Variants in FAAP100 observed in about 807,000 individuals in gnomAD.
FAAP100 encodes the protein FA core complex associated protein 100, also known as Fanconi anemia core complex-associated protein 100.
FAAP100 carries 46 observed loss-of-function variants against 65.8 expected under a neutral mutation model. The observed-to-expected ratio is 0.70, with a 90% CI of 0.55 to 0.89. The LOEUF is 0.89. FAAP100 is among the 40% of genes least tolerant of loss of function. FAAP100 has a pLI of 0.00. For missense variants in FAAP100, 1,165 were observed against 1,196.7 expected, an observed-to-expected ratio of 0.97 and a Z score of 0.39; for synonymous variants, 663 against 555.1, an observed-to-expected ratio of 1.19 and a Z score of -2.73.
rs1453283609 is a variant in FAAP100 at position 81,550,569 on chromosome 17, AGT to A, written c.923_924del (p.His308LeufsTer2). 2.6e-5 allele frequency: 42 copies of A among 1,612,800 alleles called. No homozygotes were observed. Among genetic ancestry groups the A allele is most frequent in the Non-Finnish European group, 3.5e-5 (41 of 1,180,022 alleles). On this transcript the variant is annotated frameshift_variant, in exon 3 of 9. Coordinates refer to ENST00000327787, the MANE Select transcript of FAAP100 (RefSeq NM_025161.6). LOFTEE classifies it high-confidence loss of function. ...AENFLPDEDV[H>X]CDCLVAFGHH... ...TGACCAAAGGCCACCAGGCAGTCAC[AGT>A]GCACATCCTCGTCAGGCAGAAAATT...
rs189067432 is a variant in FAAP100, at chr17:81,541,128, C to T, written c.2515-178G>A. ...ACGCAGCCTGGCCCGGACACCCAGC[C>T]CCTCAAGTAGGATGAGGGGCAGGAA... is the stretch of plus-strand genomic sequence containing the variant. On this transcript the variant is annotated intron_variant, in intron 8 of 8. Coordinates refer to ENST00000327787, the MANE Select transcript of FAAP100 (RefSeq NM_025161.6). Among the ~76,000 whole-genome samples, 187 of 152,280 alleles carry T rather than the reference C, an allele frequency of 1.2e-3. 1 individual carries two copies. Among genetic ancestry groups the T allele is most frequent in the African/African-American group, 4.4e-3 (181 of 41,556 alleles).
At chr17:81,546,060 G>T (rs2033288335) in intron 5 of FAAP100, among the ~76,000 whole-genome samples, 178 bp from the exon 6 acceptor site, 1 of 152,242 alleles carries the variant, frequency 6.6e-6, no homozygotes, top group African/African-American at 2.4e-5. Flanking sequence ...CCAGAGGAAG[G>T]AGGCCACTGC....
At chr17:81,549,734 C>A (rs1417945596) in intron 3 of FAAP100, among the ~76,000 whole-genome samples, 1 of 152,218 alleles carries the variant, frequency 6.6e-6, no homozygotes, top group Non-Finnish European at 1.5e-5. Context: ...ATTCCTCTCA[C>A]CCCAACACTG....
rs775092613 is a variant in FAAP100, at chr17:81,547,203, A to C, written c.1879T>G (p.Cys627Gly). The C allele has an allele frequency of 1.9e-6, 3 of 1,563,676 alleles. No individual in the cohort carries two copies. The highest frequency in any genetic ancestry group is 2.6e-6 in the Non-Finnish European group (3 of 1,152,416). The change falls in exon 5 of 9, where the codon TGC becomes GGC. Residue 627 changes from cysteine (C) to glycine (G), a missense_variant. Coordinates refer to ENST00000327787, the MANE Select transcript of FAAP100 (RefSeq NM_025161.6). The stretch of plus-strand genomic sequence containing the variant: ...TGCTCGGGCAGGACGTCGGAGGGGC[A>C]CTCATCCAGAAAGGGGTCCTCAGAG... ...SDSEDPFLDE[C>G]PSDVLPEQEG...
At chr17:81,544,244 C>T (rs1291787276) in intron 6 of FAAP100, 124 bp from the exon 7 acceptor site, 18 of 739,110 alleles carry the variant, frequency 2.4e-5, no homozygotes, top group African/African-American at 3.5e-5. Flanking sequence ...CAACCCCCTG[C>T]CCTGGGCTGT....
In FAAP100 at chr17:81,550,467, G is replaced by A; in HGVS notation, c.1027C>T (p.Leu343Phe). The change falls in exon 3 of 9, where the codon CTC (leucine) becomes TTC (phenylalanine). Residue 343 changes from leucine to phenylalanine, a missense_variant. Coordinates refer to ENST00000327787, the MANE Select transcript of FAAP100 (RefSeq NM_025161.6). ...KLVPELREYCLPGPVLCAACG... is the reference protein window; with the variant it reads ...KLVPELREYCFPGPVLCAACG... ...GCAGCGCAGAGCACAGGGCCTGGGA[G>A]GCAGTACTCCCGCAGCTCGGGCACC... 1 of 1,612,562 alleles carries A rather than the reference G, an allele frequency of 6.2e-7. No individual in the cohort carries two copies. The highest frequency in any genetic ancestry group is 8.5e-7 in the Non-Finnish European group (1 of 1,179,822).
chr17:81,552,005 C>A lies in FAAP100; in HGVS notation c.213G>T (p.Ala71=). The A allele has an allele frequency of 6.4e-7, 1 of 1,564,442 alleles. No homozygotes were observed. The highest frequency in any genetic ancestry group is 1.4e-5 in the African/African-American group (1 of 71,848). The change falls in exon 2 of 9, where the codon GCG becomes GCT. Residue 71 remains alanine, a synonymous_variant. Coordinates refer to ENST00000327787, the MANE Select transcript of FAAP100 (RefSeq NM_025161.6). The stretch of plus-strand genomic sequence containing the variant: ...ACAGCGCGTACAGCAACCTGCGCGG[C>A]GCCAGCAGCTCCAGGTGCCACACCT... The part of the protein sequence containing the change: ...PDQVWHLELL[A]PRRLLYALCA...
chr17:81,548,255 G>T (rs1371186506), intron 4 of FAAP100: 18 of 523,570 alleles, frequency 3.4e-5, no homozygotes, highest in Non-Finnish European at 5.8e-5. Context: ...AGCCAGTGCT[G>T]CGGGAGGAAA....
At position 81,540,273 on chromosome 17, in the gene FAAP100, C is replaced by T. The variant is rs922136738; in HGVS notation, c.*546G>A. ...TTTGTGCTTTGGTCTCAGGGAGCAC[C>T]CTCCTACCTCGGGGTCCCAGAGTGG... is the stretch of plus-strand genomic sequence containing the variant. On this transcript the variant is annotated 3_prime_UTR_variant, in exon 9 of 9. Transcript: ENST00000327787. The T allele has an allele frequency of 5.0e-6, 2 of 398,874 alleles. No individual in the cohort carries two copies. The highest frequency in any genetic ancestry group is 2.1e-5 in the African/African-American group (1 of 48,632). The allele number at this position is 398,874 out of a possible 1,614,324, so 24.7% of individuals were successfully genotyped here.
intron 2 of FAAP100, 57 bp downstream of exon 2, chr17:81,551,871 G>A (rs2033507086): frequency 6.8e-7 from 1 of 1,480,776 alleles, no homozygotes; most frequent in African/African-American, 1.5e-5. Flanking sequence ...TGCTCGCTCT[G>A]AAGCAGTCCG....
chr17:81,541,362 T>C lies in FAAP100; in HGVS notation c.2461A>G (p.Ser821Gly), dbSNP rs571805447. 185 of 1,611,572 alleles carry C rather than the reference T, an allele frequency of 1.1e-4. No homozygotes were observed. The highest frequency in any genetic ancestry group is 1.3e-4 in the Non-Finnish European group (157 of 1,179,738). Residue 821 changes from serine (S) to glycine (G), a missense_variant, in exon 8 of 9, where the codon AGC becomes GGC. Transcript: ENST00000327787. Reference sequence around the variant, plus strand: ...TACTGCACACGGAGATCAGGAGCGCTGGAGCCCTGGGTGGCCTGCTCTGTC... The same window carrying C: ...TACTGCACACGGAGATCAGGAGCGCCGGAGCCCTGGGTGGCCTGCTCTGTC... ...MVTEQATQGS[S>G]APDLRVQYLR...
At chr17:81,546,326 C>G (rs1039696174) in intron 5 of FAAP100, 3 of 171,442 alleles carry the variant, frequency 1.7e-5, no homozygotes, top group Admixed American at 6.1e-5. Context: ...CACAGAGGGT[C>G]TCACACACAT....
chr17:81,541,429 T>C, intron 7 of FAAP100, 34 bp from the exon 8 acceptor site: 3 of 1,553,984 alleles, frequency 1.9e-6, no homozygotes, highest in Admixed American at 1.7e-5. Context: ...GGAGAGGGTG[T>C]GCCCCAGCAC....
At chr17:81,542,030 A>G (rs1204927492) in intron 7 of FAAP100, among the ~76,000 whole-genome samples, 3 of 150,278 alleles carry the variant, frequency 2.0e-5, no homozygotes, top group South Asian at 4.2e-4. Flanking sequence ...AGCCGGGCGT[A>G]GTGGCGGGCG....
Position 81,540,069 on chromosome 17 carries a change from AG to A in FAAP100, c.*749del, listed in dbSNP as rs1270344295. 2.6e-5 allele frequency: 9 copies of A among 346,286 alleles called. No individual in the cohort carries two copies. The highest frequency in any genetic ancestry group is 2.1e-4 in the Admixed American group (4 of 18,920). 21.5% of individuals were successfully genotyped at this position (346,286 alleles called of 1,614,324 possible). On this transcript the variant is annotated 3_prime_UTR_variant, in exon 9 of 9. Transcript: ENST00000327787. ...GGGAGGAGGCTGGGGGCTGGGGCTCAGGGCCCCCCCCCGGGCCACAGCGCCA... is the reference window on the plus strand; with the variant it reads ...GGGAGGAGGCTGGGGGCTGGGGCTCAGGCCCCCCCCCGGGCCACAGCGCCA...
At position 81,545,624 on chromosome 17, in the gene FAAP100, G is replaced by A. The variant is rs1362514803; in HGVS notation, c.2310+122C>T. On this transcript the variant is annotated intron_variant, in intron 6 of 8. Coordinates refer to ENST00000327787, the MANE Select transcript of FAAP100 (RefSeq NM_025161.6). ...AAACTGTCATATCAGAGTCCTCCGG[G>A]AAGCTTGGGAAAAGGCTGCCAGGCC... 3.8e-5 allele frequency: 50 copies of A among 1,331,058 alleles called. 1 individual carries two copies. The highest frequency in any genetic ancestry group is 2.8e-4 in the African/African-American group (19 of 67,336). The allele number at this position is 1,331,058 out of a possible 1,614,324, so 82.5% of individuals were successfully genotyped here. A position where few individuals can be genotyped will look rare whatever the true frequency, so the allele number is the denominator to read the frequency against.
intron 5 of FAAP100, 45 bp from the exon 6 acceptor site, chr17:81,545,927 G>C (rs1321703653): frequency 6.3e-7 from 1 of 1,578,558 alleles, no homozygotes; most frequent in Non-Finnish European, 8.6e-7. Context: ...ATCCTACCAG[G>C]TGGGCTCAGC....
chr17:81,551,225 G>T, intron 2 of FAAP100, 22 bp from the exon 3 acceptor site: 1 of 1,492,078 alleles, frequency 6.7e-7, no homozygotes, highest in Non-Finnish European at 9.0e-7. Context: ...GGGACGCACT[G>T]GTCAGGCCTG....
At chr17:81,551,811 G>C (rs1356273360) in intron 2 of FAAP100, 117 bp downstream of exon 2, 12 of 1,383,096 alleles carry the variant, frequency 8.7e-6, no homozygotes, top group Admixed American at 3.6e-5. Context: ...TGGCGGCCGA[G>C]GCTTCAGAGC....
Sources: gnomAD v4.1 joint callset for allele counts (sites outside exome capture counted in the v4.1 genomes callset) on GRCh38, gnomAD v4.1.1 for gene constraint, MANE v1.5 for transcripts, NCBI Gene and HGNC (gene_info 2026-07-23, HGNC 2026-07-21) for gene names.